The following MTHFD1 variants were observed in gnomAD, a reference collection of about 807,000 sequenced individuals.
MTHFD1 encodes C-1-tetrahydrofolate synthase, cytoplasmic.
In MTHFD1, 44 loss-of-function variants were observed where a neutral mutation model predicts 110.3. That is an observed-to-expected ratio of 0.40 (90% CI 0.31 to 0.51). MTHFD1 has a LOEUF of 0.51. MTHFD1 is among the 20% of genes least tolerant of loss of function. The pLI, the probability that MTHFD1 is intolerant of heterozygous loss-of-function variation, is 0.60. For synonymous variants in MTHFD1, 402 were observed against 428.8 expected, an observed-to-expected ratio of 0.94 and a Z score of 0.77; for missense variants, 909 against 1,173.1, an observed-to-expected ratio of 0.77 and a Z score of 3.29.
rs77160290 is a variant in MTHFD1, at chr14:64,413,358, A to C, written c.240+833A>C. Among the ~76,000 whole-genome samples, 10 of 152,290 alleles carry C rather than the reference A, an allele frequency of 6.6e-5. No homozygotes were observed. The East Asian group carries it at 1.5e-3, about 24-fold the overall frequency. Reference sequence around the variant, plus strand: ...AAAGAGCAAAACTCCGTCTCAAAAAAATAGGTAAAACCGATCCTTGGCCTG... The same window carrying C: ...AAAGAGCAAAACTCCGTCTCAAAAACATAGGTAAAACCGATCCTTGGCCTG... On this transcript the variant is annotated intron_variant, in intron 4 of 27. Transcript: ENST00000652337.
Position 64,424,806 on chromosome 14 carries a change from G to T in MTHFD1, c.730G>T (p.Asp244Tyr), listed in dbSNP as rs2140963092. The part of the protein sequence containing the change: ...IDCGINYVPD[D>Y]KKPNGRKVVG... ...TGATTTCTCCCCCACTTGACCAGAT[G>T]ATAAAAAACCAAATGGGAGAAAAGT... The change falls in exon 9 of 28, where the codon GAT becomes TAT. Residue 244 changes from aspartate to tyrosine, a missense_variant and splice_region_variant. Around this residue, in one of 3 missense-constraint regions of MTHFD1, gnomAD observed 424 missense variants for 510.4 expected, o/e 0.83. Coordinates refer to ENST00000652337, the MANE Select transcript of MTHFD1 (RefSeq NM_005956.4). The T allele has an allele frequency of 6.2e-7, 1 of 1,614,008 alleles. No individual in the cohort carries two copies. The highest frequency in any genetic ancestry group is 8.5e-7 in the Non-Finnish European group (1 of 1,180,004).
At position 64,421,615 on chromosome 14, in the gene MTHFD1, A is replaced by T. The variant is rs939606848; in HGVS notation, c.727+1690A>T. Among the ~76,000 whole-genome samples the T allele has an allele frequency of 5.4e-4, 76 of 140,130 alleles. No individual in the cohort carries two copies. The East Asian group carries it at 0.013, about 24-fold the overall frequency. The allele number at this position is 140,130 out of a possible 152,430, so 91.9% of individuals were successfully genotyped here. On this transcript the variant is annotated intron_variant, in intron 8 of 27. Transcript: ENST00000652337. ...TCAAGCTCAGTCTTTTTATTTATTT[A>T]TTTTTTTAATTTTTTTTTTTTTTCT...
intron 2 of MTHFD1, 147 bp from the exon 3 acceptor site, chr14:64,410,943 C>A (rs1400301265): frequency 1.6e-5 from 11 of 686,816 alleles, no homozygotes; most frequent in Admixed American, 1.4e-4. Context: ...CTCCTGCCCC[C>A]ACAGCCTCCC....
At chr14:64,441,855 T>A in intron 19 of MTHFD1, 199 bp from the exon 20 acceptor site, 1 of 648,656 alleles carries the variant, frequency 1.5e-6, no homozygotes, top group Non-Finnish European at 2.8e-6. Context: ...CAAGACCTTC[T>A]CCACTTGCTC....
rs961052260 is a variant in MTHFD1 at position 64,415,392 on chromosome 14, C to A, written c.275C>A (p.Ser92Tyr). 2.5e-6 allele frequency: 4 copies of A among 1,610,104 alleles called. No individual in the cohort carries two copies. ...TACATTACATCTTTGAATGAAGACT[C>A]TACTGTACATGGGTTCTTAGTGCAG... ...MKYITSLNEDSTVHGFLVQLP... is the reference protein window; with the variant it reads ...MKYITSLNEDYTVHGFLVQLP... The change falls in exon 5 of 28, where the codon TCT becomes TAT. Residue 92 changes from serine to tyrosine, a missense_variant. Ser to Tyr is a moderately radical substitution (Grantham distance 144). Coordinates refer to ENST00000652337, the MANE Select transcript of MTHFD1 (RefSeq NM_005956.4).
chr14:64,415,971 C>T lies in MTHFD1; in HGVS notation c.478+232C>T, dbSNP rs114359454. 2.6e-3 allele frequency among the ~76,000 whole-genome samples: 396 copies of T among 152,240 alleles called. 1 individual carries two copies. The highest frequency in any genetic ancestry group is 8.8e-3 in the African/African-American group (367 of 41,542). The stretch of plus-strand genomic sequence containing the variant: ...GAAAATAGGCTCAGGCCAGGCACAG[C>T]GGCTCATGCCTGTTATCCCAGCACT... On this transcript the variant is annotated intron_variant, in intron 6 of 27. Coordinates refer to ENST00000652337, the MANE Select transcript of MTHFD1 (RefSeq NM_005956.4).
chr14:64,444,744 G>A lies in MTHFD1; in HGVS notation c.2178+10G>A, dbSNP rs2078277205. 3.1e-6 allele frequency: 5 copies of A among 1,613,794 alleles called. No individual in the cohort carries two copies. Among genetic ancestry groups the A allele is most frequent in the East Asian group, 2.2e-5 (1 of 44,886 alleles). On this transcript the variant is annotated intron_variant, in intron 22 of 27. Coordinates refer to ENST00000652337, the MANE Select transcript of MTHFD1 (RefSeq NM_005956.4). Reference sequence around the variant, plus strand: ...GGCTTACATACAGGAGGTAACCTGAGTTATTTCTCATCACGTGTCCTAGAA... The same window carrying A: ...GGCTTACATACAGGAGGTAACCTGAATTATTTCTCATCACGTGTCCTAGAA...
At chr14:64,456,075 C>T (rs543306915) in intron 26 of MTHFD1, among the ~76,000 whole-genome samples, 22 of 152,290 alleles carry the variant, frequency 1.4e-4, no homozygotes, top group Admixed American at 2.0e-4. Flanking sequence ...AGCTGAAAGA[C>T]GGGTAGCTGT....
intron 6 of MTHFD1, among the ~76,000 whole-genome samples, chr14:64,416,069 C>A (rs1260280781): frequency 7.9e-5 from 12 of 152,016 alleles, no homozygotes; most frequent in Non-Finnish European, 1.6e-4. Flanking sequence ...ATGGTGAAAC[C>A]CTGTCTCTAC....
rs749390488 is a variant in MTHFD1, at chr14:64,417,982, A to C, written c.573A>C (p.Thr191=). The C allele has an allele frequency of 6.2e-7, 1 of 1,614,096 alleles. No homozygotes were observed. Among genetic ancestry groups the C allele is most frequent in the African/African-American group, 1.3e-5 (1 of 75,004 alleles). The change falls in exon 7 of 28, where the codon ACA becomes ACC. Residue 191 remains threonine, a synonymous_variant. Transcript: ENST00000652337. The surrounding 1 kb of genome is among the most constrained non-coding windows in gnomAD (Gnocchi z 4.4). ...ACTTGCTTCTGTGGAACAATGCCACAGTGACCACCTGCCACTCCAAGACTG... is the reference window on the plus strand; with the variant it reads ...ACTTGCTTCTGTGGAACAATGCCACCGTGACCACCTGCCACTCCAAGACTG... The part of the protein sequence containing the change: ...MHDLLLWNNA[T]VTTCHSKTAH...
chr14:64,403,960 T>C (rs963485038), intron 2 of MTHFD1, among the ~76,000 whole-genome samples: 2 of 152,240 alleles, frequency 1.3e-5, no homozygotes, highest in African/African-American at 4.8e-5. Flanking sequence ...CCTTGACTAC[T>C]AGTCCAAAGC....
intron 19 of MTHFD1, 150 bp downstream of exon 19, chr14:64,441,603 G>T: frequency 2.9e-6 from 2 of 691,178 alleles, no homozygotes; most frequent in East Asian, 2.9e-5. Flanking sequence ...TCAGGAGATC[G>T]AGACCATCCT....
chr14:64,422,482 G>A lies in MTHFD1; in HGVS notation c.728-2322G>A, dbSNP rs565538341. Among the ~76,000 whole-genome samples, 3 of 152,282 alleles carry A rather than the reference G, an allele frequency of 2.0e-5. 1 individual carries two copies. The South Asian group carries it at 6.2e-4, about 32-fold the overall frequency. The stretch of plus-strand genomic sequence containing the variant: ...ATATTTTTAAAGATTCAAGTGCAGG[G>A]CAGAAAGTATTGGCCAGAGAAACAC... On this transcript the variant is annotated intron_variant, in intron 8 of 27. Coordinates refer to ENST00000652337, the MANE Select transcript of MTHFD1 (RefSeq NM_005956.4).
chr14:64,449,687 G>A (rs778289939), intron 24 of MTHFD1, 65 bp downstream of exon 24: 2 of 1,564,500 alleles, frequency 1.3e-6, no homozygotes, highest in Non-Finnish European at 1.7e-6. Context: ...GTTTCTGTGT[G>A]GCTACTTCTA....
At chr14:64,458,596 AG>A (rs2078512035) in intron 27 of MTHFD1, 2 of 449,598 alleles carry the variant, frequency 4.4e-6, no homozygotes, top group African/African-American at 2.0e-5. Context: ...ACTACAGGAG[AG>A]GTTAGACTCC....
chr14:64,439,141 A>G lies in MTHFD1; in HGVS notation c.1643A>G (p.Gln548Arg), dbSNP rs1170723058. 1.2e-6 allele frequency: 2 copies of G among 1,614,090 alleles called. No individual in the cohort carries two copies. The highest frequency in any genetic ancestry group is 2.2e-5 in the South Asian group (2 of 91,074). ...DRFLRKITIG[Q>R]APTEKGHTRT... is the part of the protein sequence containing the mutation. ...TTCCTGAGGAAGATCACGATTGGAC[A>G]GGCTCCAACGGAGAAGGGTCACACA... Residue 548 changes from glutamine to arginine, a missense_variant, in exon 17 of 28, where the codon CAG (glutamine) becomes CGG (arginine). Gln to Arg is a conservative substitution (Grantham distance 43). Around this residue, in one of 3 missense-constraint regions of MTHFD1, gnomAD observed 482 missense variants for 646.0 expected, o/e 0.75. Coordinates refer to ENST00000652337, the MANE Select transcript of MTHFD1 (RefSeq NM_005956.4).
In MTHFD1 at chr14:64,453,865, G is replaced by C; in HGVS notation, c.2565+4G>C. 6.3e-7 allele frequency: 1 copy of C among 1,579,184 alleles called. No homozygotes were observed. Among genetic ancestry groups the C allele is most frequent in the Non-Finnish European group, 8.7e-7 (1 of 1,148,362 alleles). ...AGCTGAAGTCTACACGAAGCAGGTA[G>C]ATGTTTGGTTAGTTTGTCCTTTCAA... On this transcript the variant is annotated splice_donor_region_variant and intron_variant, in intron 25 of 27. Coordinates refer to ENST00000652337, the MANE Select transcript of MTHFD1 (RefSeq NM_005956.4).
intron 27 of MTHFD1, among the ~76,000 whole-genome samples, chr14:64,459,290 G>A (rs186803444): frequency 4.1e-4 from 62 of 152,308 alleles, no homozygotes; most frequent in African/African-American, 1.5e-3. Context: ...ATTAGCGAAG[G>A]GGCATTCTGA....
chr14:64,435,517 T>C (rs2078199608), intron 15 of MTHFD1, 52 bp from the exon 16 acceptor site: 3 of 1,263,814 alleles, frequency 2.4e-6, no homozygotes, highest in Non-Finnish European at 3.5e-6. Flanking sequence ...GTCTTACGTT[T>C]ATTGTGCTTC....
Sources: allele counts gnomAD v4.1 joint callset (sites outside exome capture counted in the v4.1 genomes callset), GRCh38; gene constraint gnomAD v4.1.1; regional missense constraint gnomAD v4.1.1; non-coding constraint Gnocchi (gnomAD v3.1); transcripts MANE v1.5; gene names NCBI Gene and HGNC (gene_info 2026-07-23, HGNC 2026-07-21).